Variants in COL11A1 observed in about 807,000 individuals in gnomAD.
COL11A1 encodes collagen alpha-1(XI) chain.
COL11A1 carries 74 observed loss-of-function variants against 265.2 expected under a neutral mutation model. The observed-to-expected ratio is 0.28, with a 90% CI of 0.23 to 0.34. COL11A1 has a LOEUF of 0.34. COL11A1 is among the 10% of genes least tolerant of loss of function. COL11A1 has a pLI of 1.00. For synonymous variants in COL11A1, 816 were observed against 727.6 expected (o/e 1.12, Z -1.96); for missense variants, 2,165 against 2,263.6 (o/e 0.96, Z 0.88).
intron 44 of COL11A1, 51 bp from the exon 45 acceptor site, chr1:102,935,164 C>T (rs1658017492): frequency 6.8e-7 from 1 of 1,481,432 alleles, no homozygotes; most frequent in Non-Finnish European, 9.4e-7. Flanking sequence ...AGAAGAGCCT[C>T]AGCCATATGA....
intron 40 of COL11A1, 30 bp downstream of exon 40, chr1:102,962,146 T>A: frequency 6.5e-7 from 1 of 1,539,606 alleles, no homozygotes; most frequent in Non-Finnish European, 9.0e-7. Flanking sequence ...TTGGAATCAC[T>A]TGCTTTATCT....
intron 4 of COL11A1, among the ~76,000 whole-genome samples, chr1:103,069,164 T>G (rs1418052262): frequency 2.0e-5 from 3 of 151,622 alleles, no homozygotes; most frequent in Admixed American, 6.6e-5. Context: ...GATTTTAAAA[T>G]GTTTTCTAAA....
chr1:102,912,260 T>C (rs1390838515), intron 53 of COL11A1, 48 bp from the exon 54 acceptor site: 12 of 1,499,736 alleles, frequency 8.0e-6, no homozygotes, highest in Non-Finnish European at 1.1e-5. Flanking sequence ...TATTATTTTG[T>C]GGCCCACATA....
chr1:102,962,214 G>C lies in COL11A1; in HGVS notation c.3076C>G (p.Arg1026Gly). 6.2e-7 allele frequency: 1 copy of C among 1,613,590 alleles called. No homozygotes were observed. The highest frequency in any genetic ancestry group is 8.5e-7 in the Non-Finnish European group (1 of 1,179,676). Residue 1026 changes from arginine to glycine, a missense_variant, in exon 40 of 67, where the codon CGT (arginine) becomes GGT (glycine). By Grantham distance (125) the Arg-to-Gly change is moderately radical. Coordinates refer to ENST00000370096, the MANE Select transcript of COL11A1 (RefSeq NM_001854.4). ...AGACCTCTTTCCCCTGGGAAACCAC[G>C]TAATCCTGCTGGTCCATCTTTCCCT... is the stretch of plus-strand genomic sequence containing the variant. ...ISGKDGPAGL[R>G]GFPGERGLPG...
chr1:103,015,000 T>A (rs538883380), intron 12 of COL11A1, among the ~76,000 whole-genome samples: 3 of 152,248 alleles, frequency 2.0e-5, no homozygotes, highest in African/African-American at 7.2e-5. Context: ...ATTTTTGGAA[T>A]ATCCATTAAT....
chr1:102,898,376 C>A (rs927745917), intron 56 of COL11A1, among the ~76,000 whole-genome samples, 198 bp from the exon 57 acceptor site: 3 of 151,436 alleles, frequency 2.0e-5, no homozygotes, highest in African/African-American at 7.3e-5. Context: ...AAATACACAC[C>A]TATATATACA....
chr1:102,880,193 TA>T (rs1325182038), intron 65 of COL11A1, among the ~76,000 whole-genome samples: 1 of 152,136 alleles, frequency 6.6e-6, no homozygotes, highest in African/African-American at 2.4e-5. Flanking sequence ...GTAAACACTA[TA>T]AAAAATGCTT....
intron 4 of COL11A1, among the ~76,000 whole-genome samples, chr1:103,069,683 T>G (rs1671423183): frequency 6.6e-6 from 1 of 151,952 alleles, no homozygotes. Flanking sequence ...GGATAAAGTT[T>G]TATATACTCT....
chr1:102,959,195 A>G (rs1382810056), intron 41 of COL11A1, among the ~76,000 whole-genome samples: 3 of 152,202 alleles, frequency 2.0e-5, no homozygotes, highest in Non-Finnish European at 4.4e-5. Context: ...TGTTCTGTAC[A>G]TTTCAAATAT....
intron 64 of COL11A1, 43 bp downstream of exon 64, chr1:102,883,156 C>T: frequency 7.9e-7 from 1 of 1,269,582 alleles, no homozygotes; most frequent in Non-Finnish European, 1.2e-6. Flanking sequence ...CAAAACATGG[C>T]AGGAACTGTC....
intron 1 of COL11A1, among the ~76,000 whole-genome samples, chr1:103,099,767 T>G (rs1674094632): frequency 6.6e-6 from 1 of 151,864 alleles, no homozygotes; most frequent in Non-Finnish European, 1.5e-5. Context: ...CTACAAATAT[T>G]CAGTGGCACC....
At chr1:102,998,245 A>G (rs572512215) in intron 25 of COL11A1, 65 bp downstream of exon 25, 10 of 1,302,388 alleles carry the variant, frequency 7.7e-6, no homozygotes, top group African/African-American at 1.5e-5. Context: ...TTTCTAAAAC[A>G]CATGTAAAAT....
chr1:103,036,209 A>G (rs942463236), intron 4 of COL11A1, among the ~76,000 whole-genome samples: 2 of 151,024 alleles, frequency 1.3e-5, no homozygotes, highest in Non-Finnish European at 1.5e-5. Flanking sequence ...GCACTGAGAG[A>G]TAATAGCTAA....
intron 63 of COL11A1, among the ~76,000 whole-genome samples, chr1:102,884,785 C>A (rs1290291778): frequency 6.6e-6 from 1 of 152,140 alleles, no homozygotes; most frequent in Non-Finnish European, 1.5e-5. Context: ...AAACCATGCA[C>A]TTGAAGCCCT....
intron 54 of COL11A1, among the ~76,000 whole-genome samples, chr1:102,899,955 A>T (rs1652976668): frequency 6.6e-6 from 1 of 152,106 alleles, no homozygotes; most frequent in East Asian, 1.9e-4. Flanking sequence ...GGAGGGTACA[A>T]CGTGCATTGC....
intron 4 of COL11A1, among the ~76,000 whole-genome samples, chr1:103,072,051 T>C (rs1671634106): frequency 6.6e-6 from 1 of 151,818 alleles, no homozygotes; most frequent in Admixed American, 6.6e-5. Flanking sequence ...CAAAATCGGA[T>C]TTTTGTCATC....
intron 4 of COL11A1, among the ~76,000 whole-genome samples, chr1:103,051,378 C>T (rs1669812995): frequency 2.0e-5 from 3 of 152,160 alleles, no homozygotes; most frequent in African/African-American, 7.2e-5. Flanking sequence ...AGTGAGACTC[C>T]GTGGGCACGT....
chr1:102,883,070 G>A (rs1650454358), intron 64 of COL11A1, 129 bp downstream of exon 64: 1 of 721,224 alleles, frequency 1.4e-6, no homozygotes, highest in Non-Finnish European at 2.5e-6. Flanking sequence ...TGCAAATGAA[G>A]TACTCTAATT....
Position 102,939,044 on chromosome 1 carries a change from CTT to C in COL11A1, c.3427_3428del (p.Lys1143GlyfsTer24). On this transcript the variant is annotated frameshift_variant, in exon 44 of 67. Coordinates refer to ENST00000370096, the MANE Select transcript of COL11A1 (RefSeq NM_001854.4). LOFTEE classifies it high-confidence loss of function. ...GAAGTAGGAAACTCACATTTTCTCC[CTT>C]GTCACCCTTGCTGCCTTTTTGTCCC... ...EPGQKGSKGD[K>X]GENGPPGPPG... 6.2e-7 allele frequency: 1 copy of C among 1,613,724 alleles called. No homozygotes were observed. The highest frequency in any genetic ancestry group is 8.5e-7 in the Non-Finnish European group (1 of 1,179,816).
Sources: allele counts gnomAD v4.1 joint callset (sites outside exome capture counted in the v4.1 genomes callset), GRCh38; gene constraint gnomAD v4.1.1; transcripts MANE v1.5; gene names NCBI Gene and HGNC (gene_info 2026-07-23, HGNC 2026-07-21).